The following KCNQ1 variants were observed in gnomAD, a reference collection of about 807,000 sequenced individuals.
The protein encoded by KCNQ1 is potassium voltage-gated channel subfamily Q member 1, also known as potassium voltage-gated channel subfamily KQT member 1.
Under a neutral mutation model 72.4 loss-of-function variants are expected in KCNQ1, and 49 were observed. The ratio of observed to expected loss-of-function variants is 0.68; its 90% CI spans 0.54 to 0.86. The LOEUF (loss-of-function observed/expected upper bound fraction) is 0.86. Ranked by LOEUF, KCNQ1 falls within the 40% of genes least tolerant of loss-of-function variation. The pLI, the probability that KCNQ1 is intolerant of heterozygous loss-of-function variation, is 0.00. For missense variants in KCNQ1, 790 were observed against 945.1 expected, an observed-to-expected ratio of 0.84 and a Z score of 2.15; for synonymous variants, 450 against 412.6, an observed-to-expected ratio of 1.09 and a Z score of -1.10.
At chr11:2,581,083 A>G (rs1351779297) in intron 6 of KCNQ1, among the ~76,000 whole-genome samples, 3 of 152,216 alleles carry the variant, frequency 2.0e-5, no homozygotes, top group East Asian at 1.9e-4. Context: ...TGTCCCCCCA[A>G]AAAATCTGGA....
chr11:2,618,165 G>T (rs540710884), intron 10 of KCNQ1: 1 of 398,368 alleles, frequency 2.5e-6, no homozygotes, highest in Admixed American at 4.4e-5. Flanking sequence ...CTTATGTTTA[G>T]GTCTTTTATC....
intron 10 of KCNQ1, chr11:2,628,355 T>C (rs1849293744): frequency 2.5e-6 from 1 of 398,472 alleles, no homozygotes; most frequent in African/African-American, 2.1e-5. Flanking sequence ...GATATCTCAG[T>C]GTGGTTTTCA....
Position 2,808,295 on chromosome 11 carries a change from G to A in KCNQ1, c.1794+30258G>A, listed in dbSNP as rs775156980. On this transcript the variant is annotated intron_variant, in intron 15 of 15. Transcript: ENST00000155840. This position sits in a 1 kb window ranked among gnomAD's most constrained non-coding sequence, Gnocchi z 6.0. ...CAGTGGAAGATAATGGAGGTGTTAC[G>A]GGGATGGGCTAGAACTCGGTCCTGG... Among the ~76,000 whole-genome samples the A allele has an allele frequency of 2.6e-5, 4 of 152,240 alleles. No individual in the cohort carries two copies. Among genetic ancestry groups the A allele is most frequent in the Non-Finnish European group, 4.4e-5 (3 of 68,048 alleles).
chr11:2,775,846 G>A (rs1418126243), intron 12 of KCNQ1, 114 bp from the exon 13 acceptor site: 4 of 980,082 alleles, frequency 4.1e-6, no homozygotes, highest in East Asian at 2.6e-5. Flanking sequence ...CCACATAGGC[G>A]AGCTCCCAGG....
intron 1 of KCNQ1, among the ~76,000 whole-genome samples, chr11:2,459,015 A>G (rs1267697883): frequency 6.6e-6 from 1 of 152,158 alleles, no homozygotes; most frequent in Non-Finnish European, 1.5e-5. Flanking sequence ...TGCATTTCTG[A>G]TTCCCGTGCC....
Position 2,624,422 on chromosome 11 carries a change from A to G in KCNQ1, c.1393+35568A>G, listed in dbSNP as rs1849229349. ...CAGAGCAGAAACTTTTATTTTTAAC[A>G]AAGTCTAGCTTATCAATTATTTCTT... is the stretch of plus-strand genomic sequence containing the variant. On this transcript the variant is annotated intron_variant, in intron 10 of 15. Transcript: ENST00000155840. This position sits in a 1 kb window ranked among gnomAD's most constrained non-coding sequence, Gnocchi z 4.9. 1 of 398,490 alleles carries G rather than the reference A, an allele frequency of 2.5e-6. No homozygotes were observed. The highest frequency in any genetic ancestry group is 4.4e-6 in the Non-Finnish European group (1 of 226,016). 24.7% of individuals were successfully genotyped at this position (398,490 alleles called of 1,614,324 possible).
intron 11 of KCNQ1, chr11:2,665,784 C>T (rs927518323): frequency 1.0e-5 from 4 of 398,582 alleles, no homozygotes; most frequent in Non-Finnish European, 1.8e-5. Flanking sequence ...CTCACTCAAC[C>T]CTGCCTAAGA....
In KCNQ1 at chr11:2,764,364, T is replaced by C. The variant is rs1846458827; in HGVS notation, c.1515-4480T>C. ...GTGAAGAGTGACGCTGCTTGGTCCT[T>C]AGAGGGTAAACTCAGCATGCACAAG... On this transcript the variant is annotated intron_variant, in intron 11 of 15. Coordinates refer to ENST00000155840, the MANE Select transcript of KCNQ1 (RefSeq NM_000218.3). The surrounding 1 kb of genome is among the most constrained non-coding windows in gnomAD (Gnocchi z 4.8). Among the ~76,000 whole-genome samples, 1 of 152,196 alleles carries C rather than the reference T, an allele frequency of 6.6e-6. No individual in the cohort carries two copies. Among genetic ancestry groups the C allele is most frequent in the African/African-American group, 2.4e-5 (1 of 41,456 alleles).
chr11:2,683,385 G>A lies in KCNQ1; in HGVS notation c.1514+21304G>A. The A allele has an allele frequency of 2.5e-6, 1 of 398,676 alleles. No homozygotes were observed. Among genetic ancestry groups the A allele is most frequent in the Non-Finnish European group, 4.4e-6 (1 of 226,066 alleles). 24.7% of individuals were successfully genotyped at this position (398,676 alleles called of 1,614,324 possible). On this transcript the variant is annotated intron_variant, in intron 11 of 15. Coordinates refer to ENST00000155840, the MANE Select transcript of KCNQ1 (RefSeq NM_000218.3). The surrounding 1 kb of genome is among the most constrained non-coding windows in gnomAD (Gnocchi z 4.7). The stretch of plus-strand genomic sequence containing the variant: ...CTGTCTGCAAATGCAGGTTCCTGGG[G>A]CTCTGGGTGGTTTGTCCAATGGCTA...
intron 10 of KCNQ1, among the ~76,000 whole-genome samples, chr11:2,589,682 G>GC (rs35844862): frequency 2.0e-5 from 3 of 152,100 alleles, no homozygotes; most frequent in Non-Finnish European, 2.9e-5. Context: ...TCTGGTTGTG[G>GC]CCCCCCCATG....
In KCNQ1 at chr11:2,767,639, T is replaced by C. The variant is rs1846522508; in HGVS notation, c.1515-1205T>C. 6.6e-6 allele frequency among the ~76,000 whole-genome samples: 1 copy of C among 152,208 alleles called. No individual in the cohort carries two copies. Among genetic ancestry groups the C allele is most frequent in the Non-Finnish European group, 1.5e-5 (1 of 68,026 alleles). On this transcript the variant is annotated intron_variant, in intron 11 of 15. Transcript: ENST00000155840. This position sits in a 1 kb window ranked among gnomAD's most constrained non-coding sequence, Gnocchi z 4.6. ...AGGGGATTGAGAGAGGTGGGGTTAA[T>C]GTGATGGAAAGTTGGCATTGCTTAG...
At chr11:2,832,889 A>AT (rs986230316) in intron 15 of KCNQ1, among the ~76,000 whole-genome samples, 9 of 152,108 alleles carry the variant, frequency 5.9e-5, no homozygotes, top group Non-Finnish European at 1.3e-4. Flanking sequence ...TCCATGGGGC[A>AT]GAAGCCATGC....
At chr11:2,786,234 CT>C (rs1427740398) in intron 15 of KCNQ1, among the ~76,000 whole-genome samples, 2 of 152,026 alleles carry the variant, frequency 1.3e-5, no homozygotes, top group Non-Finnish European at 2.9e-5. Flanking sequence ...TATCAAAATT[CT>C]TTTTTCTTAG....
rs577843056 is a variant in KCNQ1 at position 2,826,851 on chromosome 11, C to A, written c.1795-20916C>A. Among the ~76,000 whole-genome samples, 8 of 152,348 alleles carry A rather than the reference C, an allele frequency of 5.3e-5. No homozygotes were observed. Among genetic ancestry groups the A allele is most frequent in the Non-Finnish European group, 7.3e-5 (5 of 68,034 alleles). On this transcript the variant is annotated intron_variant, in intron 15 of 15. Transcript: ENST00000155840. The surrounding 1 kb of genome is among the most constrained non-coding windows in gnomAD (Gnocchi z 4.2). Reference sequence around the variant, plus strand: ...CCAGAGAGACACACAGGCCAGCAGCCTGTAAACCACTGGGTGTGGGGTGTC... The same window carrying A: ...CCAGAGAGACACACAGGCCAGCAGCATGTAAACCACTGGGTGTGGGGTGTC...
At chr11:2,811,513 A>T (rs1847485083) in intron 15 of KCNQ1, among the ~76,000 whole-genome samples, 1 of 152,244 alleles carries the variant, frequency 6.6e-6, no homozygotes, top group Non-Finnish European at 1.5e-5. Context: ...TAAAGGCCGC[A>T]TGAGGGGACA....
chr11:2,609,384 T>C (rs1048669351), intron 10 of KCNQ1: 11 of 398,362 alleles, frequency 2.8e-5, no homozygotes, highest in Non-Finnish European at 3.5e-5. Context: ...CAGAAAAAGA[T>C]ACCTTGTATT....
intron 11 of KCNQ1, among the ~76,000 whole-genome samples, chr11:2,722,184 C>A (rs1851213701): frequency 1.3e-5 from 2 of 152,154 alleles, no homozygotes; most frequent in Non-Finnish European, 2.9e-5. Flanking sequence ...GGCTGGGGAG[C>A]CACAAAGCCA....
chr11:2,710,030 T>G lies in KCNQ1; in HGVS notation c.1514+47949T>G, dbSNP rs1188288296. On this transcript the variant is annotated intron_variant, in intron 11 of 15. Transcript: ENST00000155840. The surrounding 1 kb of genome is among the most constrained non-coding windows in gnomAD (Gnocchi z 4.1). ...GGAGTAGAAACGCTGGGTCATATGG[T>G]GACTCCATATTTAACCTTTTGAGGA... is the stretch of plus-strand genomic sequence containing the variant. Among the ~76,000 whole-genome samples, 1 of 152,230 alleles carries G rather than the reference T, an allele frequency of 6.6e-6. No individual in the cohort carries two copies. The highest frequency in any genetic ancestry group is 1.5e-5 in the Non-Finnish European group (1 of 68,040).
chr11:2,449,570 G>A (rs1014264629), intron 1 of KCNQ1, among the ~76,000 whole-genome samples: 7 of 152,140 alleles, frequency 4.6e-5, no homozygotes, highest in African/African-American at 9.7e-5. Flanking sequence ...CATGTGGCAC[G>A]TCTTGCAGAG....
Sources: allele counts gnomAD v4.1 joint callset (sites outside exome capture counted in the v4.1 genomes callset), GRCh38; gene constraint gnomAD v4.1.1; non-coding constraint Gnocchi (gnomAD v3.1); transcripts MANE v1.5; gene names NCBI Gene and HGNC (gene_info 2026-07-23, HGNC 2026-07-21).